CDK14: variants seen among roughly 807,000 people sequenced by gnomAD.
CDK14 encodes cyclin-dependent kinase 14.
In CDK14, 34 loss-of-function variants were observed where a neutral mutation model predicts 60.7. The observed-to-expected ratio is 0.56, with a 90% CI of 0.43 to 0.75. CDK14 has a LOEUF of 0.75. Among genes scored for constraint, CDK14 ranks in the 30% least tolerant of loss-of-function variants. The probability of loss-of-function intolerance (pLI) is 0.00; values close to 1 mark genes in which losing one functional copy is unlikely to be tolerated. For missense variants in CDK14, 482 were observed against 564.1 expected (o/e 0.85, Z 1.47); for synonymous variants, 197 against 203.7 (o/e 0.97, Z 0.28).
chr7:90,629,344 A>T (rs933749293), intron 2 of CDK14, among the ~76,000 whole-genome samples: 5 of 152,104 alleles, frequency 3.3e-5, no homozygotes, highest in Admixed American at 1.3e-4. Flanking sequence ...AATTACTTGG[A>T]CAGTTGTTTA....
At chr7:91,024,767 G>A (rs895383368) in intron 10 of CDK14, among the ~76,000 whole-genome samples, 1 of 152,184 alleles carries the variant, frequency 6.6e-6, no homozygotes, top group Non-Finnish European at 1.5e-5. Flanking sequence ...TGGCAGACCT[G>A]GACCCAAACC....
At chr7:91,153,541 T>C (rs1800884835) in intron 14 of CDK14, among the ~76,000 whole-genome samples, 2 of 152,174 alleles carry the variant, frequency 1.3e-5, no homozygotes, top group Non-Finnish European at 2.9e-5. Flanking sequence ...CATGGAATAC[T>C]GTGCAGCCAT....
intron 5 of CDK14, among the ~76,000 whole-genome samples, chr7:90,853,774 C>G (rs757279323): frequency 2.2e-4 from 33 of 152,070 alleles, no homozygotes; most frequent in Admixed American, 3.3e-4. Context: ...TGGGTTCCAT[C>G]CTTATAAACT....
intron 2 of CDK14, among the ~76,000 whole-genome samples, chr7:90,631,507 T>G (rs1403358294): frequency 6.6e-6 from 1 of 152,200 alleles, no homozygotes. Flanking sequence ...TTAAGATCCT[T>G]AGACTAGGGG....
chr7:91,012,317 G>A (rs1377156587), intron 10 of CDK14, among the ~76,000 whole-genome samples: 1 of 152,102 alleles, frequency 6.6e-6, no homozygotes, highest in African/African-American at 2.4e-5. Flanking sequence ...AATATTTTGG[G>A]TAGTCCTTTC....
intron 2 of CDK14, among the ~76,000 whole-genome samples, chr7:90,629,713 A>G (rs1159286891): frequency 2.0e-5 from 3 of 152,130 alleles, no homozygotes; most frequent in Admixed American, 6.5e-5. Context: ...TGAAAAACCT[A>G]TTTGTAATTA....
At chr7:90,947,618 C>A (rs971294569) in intron 8 of CDK14, among the ~76,000 whole-genome samples, 2 of 152,026 alleles carry the variant, frequency 1.3e-5, no homozygotes, top group Non-Finnish European at 2.9e-5. Context: ...CACTGTACAT[C>A]CACTGATTTT....
chr7:90,984,322 A>G lies in CDK14; in HGVS notation c.1041+81A>G. On this transcript the variant is annotated intron_variant, in intron 10 of 14. Transcript: ENST00000380050. ...TGACAAATTCTACAGCAGTCTGTGGAAAAATAATTTAAAACAAAATTTGTT... is the reference window on the plus strand; with the variant it reads ...TGACAAATTCTACAGCAGTCTGTGGGAAAATAATTTAAAACAAAATTTGTT... 3.4e-6 allele frequency: 3 copies of G among 891,468 alleles called. No homozygotes were observed. In the South Asian group the frequency reaches 4.2e-5, roughly 13 times the overall value. 55.2% of individuals were successfully genotyped at this position (891,468 alleles called of 1,614,324 possible).
chr7:90,749,351 C>G (rs1271695020), intron 4 of CDK14, among the ~76,000 whole-genome samples: 1 of 152,118 alleles, frequency 6.6e-6, no homozygotes, highest in Non-Finnish European at 1.5e-5. Context: ...CTCACCTCAT[C>G]TGGATTGGCA....
chr7:90,878,261 G>C (rs888678630), intron 6 of CDK14, among the ~76,000 whole-genome samples: 1 of 152,096 alleles, frequency 6.6e-6, no homozygotes, highest in African/African-American at 2.4e-5. Flanking sequence ...GCCTCCATCT[G>C]TCAGCTCCTC....
chr7:90,623,278 C>T (rs1374359741), intron 2 of CDK14, among the ~76,000 whole-genome samples: 1 of 151,938 alleles, frequency 6.6e-6, no homozygotes, highest in Non-Finnish European at 1.5e-5. Flanking sequence ...GGATCTGTGC[C>T]CTTCTGGGGG....
At chr7:90,659,865 CTCTCTCTCTCTGTG>C (rs1043305634) in intron 2 of CDK14, among the ~76,000 whole-genome samples, 11 of 148,476 alleles carry the variant, frequency 7.4e-5, no homozygotes, top group South Asian at 2.1e-4. Context: ...CTCTCTCTCT[CTCTCTCTCTCTGTG>C]TGTGTGTGTG....
At position 91,207,487 on chromosome 7, in the gene CDK14, C is replaced by T. The variant is rs537098518; in HGVS notation, c.*351C>T. 1 of 152,782 alleles carries T rather than the reference C, an allele frequency of 6.5e-6. No individual in the cohort carries two copies. Among genetic ancestry groups the T allele is most frequent in the South Asian group, 2.1e-4 (1 of 4,828 alleles). The allele number at this position is 152,782 out of a possible 1,614,324, so 9.5% of individuals were successfully genotyped here. A position where few individuals can be genotyped will look rare whatever the true frequency, so the allele number is the denominator to read the frequency against. Reference sequence around the variant, plus strand: ...CTCTGTAAAGGTTTTTATGCTTTCACCAGCCATGTCTTAAATACATTAAGA... The same window carrying T: ...CTCTGTAAAGGTTTTTATGCTTTCATCAGCCATGTCTTAAATACATTAAGA... On this transcript the variant is annotated 3_prime_UTR_variant, in exon 15 of 15. Coordinates refer to ENST00000380050, the MANE Select transcript of CDK14 (RefSeq NM_001287135.2).
chr7:90,905,219 G>A (rs1421505794), intron 7 of CDK14, among the ~76,000 whole-genome samples: 1 of 152,166 alleles, frequency 6.6e-6, no homozygotes, highest in Non-Finnish European at 1.5e-5. Flanking sequence ...TAAGCCAGCA[G>A]GCTAGAAGTC....
At chr7:91,056,921 C>A (rs1797589575) in intron 11 of CDK14, among the ~76,000 whole-genome samples, 1 of 151,980 alleles carries the variant, frequency 6.6e-6, no homozygotes, top group African/African-American at 2.4e-5. Flanking sequence ...TGGGTATATA[C>A]CCAGTAATGG....
chr7:91,039,667 T>A (rs2115990955), intron 10 of CDK14, among the ~76,000 whole-genome samples: 1 of 152,304 alleles, frequency 6.6e-6, no homozygotes, highest in South Asian at 2.1e-4. Flanking sequence ...CAAAATTTGC[T>A]CTCTTTGGTC....
At chr7:90,649,696 T>C (rs564554935) in intron 2 of CDK14, among the ~76,000 whole-genome samples, 98 of 151,886 alleles carry the variant, frequency 6.5e-4, no homozygotes, top group Non-Finnish European at 1.2e-3. Flanking sequence ...CACCTGTGAG[T>C]GAGAACATGC....
chr7:91,003,563 T>C (rs1584220192), intron 10 of CDK14, among the ~76,000 whole-genome samples: 1 of 152,302 alleles, frequency 6.6e-6, no homozygotes, highest in East Asian at 1.9e-4. Flanking sequence ...TGGGTTTCTT[T>C]TATCTGGGGT....
intron 10 of CDK14, among the ~76,000 whole-genome samples, chr7:90,998,852 G>C (rs1018579038): frequency 6.6e-6 from 1 of 152,216 alleles, no homozygotes; most frequent in South Asian, 2.1e-4. Context: ...TCGCGCCACT[G>C]CACTCCAGCC....
Sources: gnomAD v4.1 joint callset for allele counts (sites outside exome capture counted in the v4.1 genomes callset) on GRCh38, gnomAD v4.1.1 for gene constraint, MANE v1.5 for transcripts, NCBI Gene and HGNC (gene_info 2026-07-23, HGNC 2026-07-21) for gene names.